The following DIAPH3 variants were observed in gnomAD, a reference collection of about 807,000 sequenced individuals.
The protein encoded by DIAPH3 is diaphanous related formin 3.
Under a neutral mutation model 144.3 loss-of-function variants are expected in DIAPH3, and 117 were observed. That is an observed-to-expected ratio of 0.81 (90% CI 0.70 to 0.95). The LOEUF is 0.95. Ranked by LOEUF, DIAPH3 falls within the 40% of genes least tolerant of loss-of-function variation. The pLI, the probability that DIAPH3 is intolerant of heterozygous loss-of-function variation, is 0.00. For missense variants in DIAPH3, 1,421 were observed against 1,412.7 expected, an observed-to-expected ratio of 1.01 and a Z score of -0.09; for synonymous variants, 519 against 488.9, an observed-to-expected ratio of 1.06 and a Z score of -0.81.
intron 27 of DIAPH3, among the ~76,000 whole-genome samples, chr13:59,762,996 G>C (rs892935055): frequency 7.2e-5 from 11 of 151,990 alleles, no homozygotes; most frequent in Non-Finnish European, 1.5e-5. Context: ...CCTCAATCTT[G>C]AACTTCCCAG....
chr13:60,016,086 A>G lies in DIAPH3; in HGVS notation c.686T>C (p.Leu229Pro), dbSNP rs201688909. Residue 229 changes from leucine to proline, a missense_variant, in exon 6 of 28, where the codon CTG becomes CCG. Coordinates refer to ENST00000400324, the MANE Select transcript of DIAPH3 (RefSeq NM_001042517.2). Reference sequence around the variant, plus strand: ...CAATACTTACATTTTTCCACTAATCAGTTTTTCCAAAATGTCTAATAATAA... The same window carrying G: ...CAATACTTACATTTTTCCACTAATCGGTTTTTCCAAAATGTCTAATAATAA... ...LGLLLDILEK[L>P]ISGKIQEKVV... is the part of the protein sequence containing the mutation. 1.3e-4 allele frequency: 208 copies of G among 1,613,524 alleles called. No individual in the cohort carries two copies. The highest frequency in any genetic ancestry group is 1.6e-4 in the Non-Finnish European group (193 of 1,179,774).
intron 27 of DIAPH3, among the ~76,000 whole-genome samples, chr13:59,680,076 C>A (rs2032859702): frequency 6.6e-6 from 1 of 152,190 alleles, no homozygotes; most frequent in African/African-American, 2.4e-5. Context: ...TGGTCACAAG[C>A]AGCACCCTGA....
At position 59,704,588 on chromosome 13, in the gene DIAPH3, C is replaced by A. The variant is rs79721884; in HGVS notation, c.3320-37742G>T. Among the ~76,000 whole-genome samples the A allele has an allele frequency of 4.8e-3, 730 of 152,284 alleles. 35 individuals carry two copies. In the East Asian group the frequency reaches 0.11, roughly 24 times the overall value. On this transcript the variant is annotated intron_variant, in intron 27 of 27. Transcript: ENST00000400324. Reference sequence around the variant, plus strand: ...GAAGGATTGCATGTATGATGGTGATCCCGTAAGACAAAACTGCATTTTTAC... The same window carrying A: ...GAAGGATTGCATGTATGATGGTGATACCGTAAGACAAAACTGCATTTTTAC...
intron 20 of DIAPH3, 150 bp from the exon 21 acceptor site, chr13:59,879,618 C>G: frequency 1.7e-6 from 2 of 1,168,700 alleles, no homozygotes; most frequent in Non-Finnish European, 2.4e-6. Flanking sequence ...GAGAGAAAAG[C>G]CCTGCTTGTT....
intron 20 of DIAPH3, among the ~76,000 whole-genome samples, chr13:59,908,369 C>CAAA (rs773306723): frequency 6.3e-4 from 26 of 41,130 alleles, no homozygotes; most frequent in African/African-American, 8.8e-4. Context: ...GACTCTGTCT[C>CAAA]AAAAAAAAAA....
chr13:59,974,292 A>T, intron 15 of DIAPH3, 60 bp downstream of exon 15: 2 of 1,231,824 alleles, frequency 1.6e-6, no homozygotes, highest in Non-Finnish European at 2.4e-6. Flanking sequence ...AAGATATAAC[A>T]TAACCTTTGC....
intron 17 of DIAPH3, among the ~76,000 whole-genome samples, chr13:59,961,696 G>T (rs2049769153): frequency 6.6e-6 from 1 of 152,128 alleles, no homozygotes; most frequent in Admixed American, 6.6e-5. Context: ...AGCACAAAGA[G>T]CAATGGCTTT....
chr13:59,768,701 T>C (rs2037975421), intron 27 of DIAPH3, among the ~76,000 whole-genome samples: 1 of 152,164 alleles, frequency 6.6e-6, no homozygotes, highest in South Asian at 2.1e-4. Context: ...CATTTAACTC[T>C]GACTTCAAAT....
intron 14 of DIAPH3, among the ~76,000 whole-genome samples, chr13:59,978,299 A>G (rs1019093192): frequency 6.6e-6 from 1 of 151,728 alleles, no homozygotes; most frequent in East Asian, 1.9e-4. Flanking sequence ...TCACTCTCCC[A>G]GCATCAGAAA....
chr13:59,669,977 C>A (rs1257078401), intron 27 of DIAPH3, among the ~76,000 whole-genome samples: 1 of 152,172 alleles, frequency 6.6e-6, no homozygotes, highest in Non-Finnish European at 1.5e-5. Context: ...TCTTAGTACT[C>A]CTTGATCTAT....
chr13:59,810,894 T>C lies in DIAPH3; in HGVS notation c.3057A>G (p.Arg1019=). The change falls in exon 25 of 28, where the codon AGA becomes AGG. Residue 1019 remains arginine (R), a synonymous_variant. Coordinates refer to ENST00000400324, the MANE Select transcript of DIAPH3 (RefSeq NM_001042517.2). ...MQAIKENIKK[R]EAEEKEKRVR... ...CACGTTTTTCTTTTTCCTCTGCTTC[T>C]CTTTTTTTGATATTCTCCTTTATTG... The C allele has an allele frequency of 3.8e-6, 6 of 1,597,960 alleles. No homozygotes were observed. The highest frequency in any genetic ancestry group is 5.1e-6 in the Non-Finnish European group (6 of 1,175,978).
intron 22 of DIAPH3, among the ~76,000 whole-genome samples, chr13:59,843,784 G>A (rs1349644180): frequency 4.6e-5 from 7 of 152,152 alleles, no homozygotes; most frequent in Non-Finnish European, 8.8e-5. Context: ...CACACACTTG[G>A]AAGAAAGAAA....
At chr13:60,020,181 A>G (rs2053918416) in intron 5 of DIAPH3, among the ~76,000 whole-genome samples, 1 of 152,142 alleles carries the variant, frequency 6.6e-6, no homozygotes, top group African/African-American at 2.4e-5. Flanking sequence ...TTCTATTGTT[A>G]CATATAAGAG....
chr13:59,871,453 C>T (rs1365014867), intron 21 of DIAPH3, among the ~76,000 whole-genome samples: 4 of 152,074 alleles, frequency 2.6e-5, no homozygotes, highest in Non-Finnish European at 4.4e-5. Context: ...TCTTTATCAA[C>T]TTGAGGAAGT....
chr13:60,041,512 C>G (rs2055663253), intron 5 of DIAPH3, among the ~76,000 whole-genome samples: 2 of 152,186 alleles, frequency 1.3e-5, no homozygotes, highest in South Asian at 4.1e-4. Flanking sequence ...CACTCAGTCT[C>G]ACATCTCAGC....
At chr13:59,747,224 G>A (rs1443112771) in intron 27 of DIAPH3, among the ~76,000 whole-genome samples, 3 of 152,134 alleles carry the variant, frequency 2.0e-5, no homozygotes, top group East Asian at 3.9e-4. Flanking sequence ...TATTATTCGG[G>A]ATGATCACTG....
At chr13:60,115,751 G>GAT (rs2058687038) in intron 2 of DIAPH3, among the ~76,000 whole-genome samples, 1 of 151,930 alleles carries the variant, frequency 6.6e-6, no homozygotes, top group Admixed American at 6.6e-5. Flanking sequence ...ATATATTCAA[G>GAT]ATATATATAA....
At chr13:59,895,191 T>C (rs1285483807) in intron 20 of DIAPH3, among the ~76,000 whole-genome samples, 2 of 152,152 alleles carry the variant, frequency 1.3e-5, no homozygotes, top group African/African-American at 4.8e-5. Context: ...TCCTAGATTT[T>C]CCTTGGACAA....
At chr13:59,720,551 A>G (rs751049814) in intron 27 of DIAPH3, among the ~76,000 whole-genome samples, 9 of 152,176 alleles carry the variant, frequency 5.9e-5, no homozygotes, top group Non-Finnish European at 1.2e-4. Flanking sequence ...GACAGGAAAC[A>G]TTGTGATCAC....
Sources: allele counts gnomAD v4.1 joint callset (sites outside exome capture counted in the v4.1 genomes callset), GRCh38; gene constraint gnomAD v4.1.1; transcripts MANE v1.5; gene names NCBI Gene and HGNC (gene_info 2026-07-23, HGNC 2026-07-21).